Variants in MSRA observed in about 807,000 individuals in gnomAD.
The protein encoded by MSRA is mitochondrial peptide methionine sulfoxide reductase.
MSRA carries 54 observed loss-of-function variants against 31.3 expected under a neutral mutation model. The observed-to-expected ratio is 1.73, with a 90% confidence interval of 1.39 to 2.17. MSRA has a LOEUF of 2.17. Ranked by LOEUF, MSRA falls within the 30% of genes most tolerant of loss-of-function variation. MSRA has a pLI of 0.00. For synonymous variants in MSRA, 169 were observed against 116.5 expected, an observed-to-expected ratio of 1.45 and a Z score of -2.90; for missense variants, 507 against 300.9, an observed-to-expected ratio of 1.69 and a Z score of -5.07.
At chr8:10,325,299 C>CT (rs1488549323) in intron 5 of MSRA, among the ~76,000 whole-genome samples, 4 of 152,004 alleles carry the variant, frequency 2.6e-5, no homozygotes, top group African/African-American at 4.8e-5. Flanking sequence ...ATAATATGTA[C>CT]TTTTATATAG....
At chr8:10,059,212 A>G (rs1802565000) in intron 1 of MSRA, 1 of 152,240 alleles carries the variant, frequency 6.6e-6, no homozygotes, top group Non-Finnish European at 1.5e-5. Flanking sequence ...GCCAGGATAA[A>G]TTTCAGTGTT....
At chr8:10,100,232 C>A (rs1489733223) in intron 1 of MSRA, among the ~76,000 whole-genome samples, 2 of 152,100 alleles carry the variant, frequency 1.3e-5, no homozygotes, top group African/African-American at 4.8e-5. Context: ...TGTTGAACAT[C>A]GTCTTTCTGG....
intron 3 of MSRA, among the ~76,000 whole-genome samples, chr8:10,282,339 T>G (rs1172089218): frequency 6.6e-6 from 1 of 152,204 alleles, no homozygotes; most frequent in Non-Finnish European, 1.5e-5. Flanking sequence ...CACTTTGAAC[T>G]TATTTTCATC....
intron 3 of MSRA, among the ~76,000 whole-genome samples, chr8:10,268,277 C>G (rs916118629): frequency 1.3e-5 from 2 of 152,188 alleles, no homozygotes; most frequent in Non-Finnish European, 2.9e-5. Flanking sequence ...ACGCTTCTTT[C>G]TCATCTAATA....
intron 5 of MSRA, among the ~76,000 whole-genome samples, chr8:10,424,524 G>T (rs537209375): frequency 1.2e-3 from 180 of 149,816 alleles, no homozygotes; most frequent in Non-Finnish European, 2.3e-3. Flanking sequence ...GAAGGGCCTG[G>T]GGTGGAGTGG....
chr8:10,075,423 C>T (rs181783934), intron 1 of MSRA, among the ~76,000 whole-genome samples: 16 of 152,316 alleles, frequency 1.1e-4, no homozygotes, highest in African/African-American at 3.1e-4. Context: ...TTTATTACGA[C>T]TGTGTATGTG....
In MSRA at chr8:10,055,037, C is replaced by T. The variant is rs917681913; in HGVS notation, c.142+379C>T. On this transcript the variant is annotated intron_variant, in intron 1 of 5. Coordinates refer to ENST00000317173, the MANE Select transcript of MSRA (RefSeq NM_012331.5). ...GTGCCTGCGCCCTCCTTTCTTGTCT[C>T]CTCTGCGCCGGCCGCCGGGACCCAG... is the stretch of plus-strand genomic sequence containing the variant. Among the ~76,000 whole-genome samples the T allele has an allele frequency of 3.3e-5, 5 of 152,334 alleles. No homozygotes were observed. The East Asian group carries it at 9.7e-4, about 30-fold the overall frequency.
intron 1 of MSRA, among the ~76,000 whole-genome samples, chr8:10,117,251 G>T (rs769158698): frequency 1.2e-4 from 19 of 152,186 alleles, no homozygotes; most frequent in Non-Finnish European, 1.8e-4. Flanking sequence ...CACAAAGGAT[G>T]GAACATGGGA....
At chr8:10,055,273 T>TG (rs1190324064) in intron 1 of MSRA, among the ~76,000 whole-genome samples, 1 of 152,210 alleles carries the variant, frequency 6.6e-6, no homozygotes. Context: ...TCCACAAACT[T>TG]GGACAACTTT....
At chr8:10,068,139 C>T (rs1797556621) in intron 1 of MSRA, among the ~76,000 whole-genome samples, 1 of 152,126 alleles carries the variant, frequency 6.6e-6, no homozygotes, top group African/African-American at 2.4e-5. Flanking sequence ...CCGCCTTGGT[C>T]TCTCAAAGTG....
At chr8:10,311,094 A>G (rs752562822) in intron 4 of MSRA, among the ~76,000 whole-genome samples, 121 of 152,336 alleles carry the variant, frequency 7.9e-4, no homozygotes, top group Non-Finnish European at 1.5e-3. Context: ...ATAAAAGAGT[A>G]CTGAATTAGG....
At chr8:10,315,350 G>C (rs1301836777) in intron 4 of MSRA, among the ~76,000 whole-genome samples, 1 of 152,142 alleles carries the variant, frequency 6.6e-6, no homozygotes. Context: ...ACCAGAGAGA[G>C]GGAAGGCATT....
At chr8:10,291,180 C>G (rs563043302) in intron 3 of MSRA, among the ~76,000 whole-genome samples, 1 of 152,284 alleles carries the variant, frequency 6.6e-6, no homozygotes, top group South Asian at 2.1e-4. Flanking sequence ...TTTTCTTGAT[C>G]CAGTACTGAG....
At chr8:10,080,720 G>C (rs933114597) in intron 1 of MSRA, among the ~76,000 whole-genome samples, 1 of 142,348 alleles carries the variant, frequency 7.0e-6, no homozygotes, top group Middle Eastern at 3.8e-3. Context: ...TTAATTTCTA[G>C]TAGAGATGAG....
Position 10,197,723 on chromosome 8 carries a change from G to C in MSRA, c.143-10110G>C, listed in dbSNP as rs1365340087. Among the ~76,000 whole-genome samples, 8 of 152,134 alleles carry C rather than the reference G, an allele frequency of 5.3e-5. No homozygotes were observed. The East Asian group carries it at 1.5e-3, about 29-fold the overall frequency. On this transcript the variant is annotated intron_variant, in intron 1 of 5. Coordinates refer to ENST00000317173, the MANE Select transcript of MSRA (RefSeq NM_012331.5). ...CACATGCCCACCTGGGAGTTGATAAGCTTGCTCAGAAGCCCTCTCCAAGAC... is the reference window on the plus strand; with the variant it reads ...CACATGCCCACCTGGGAGTTGATAACCTTGCTCAGAAGCCCTCTCCAAGAC...
At chr8:10,253,907 A>G (rs1195143999) in intron 3 of MSRA, among the ~76,000 whole-genome samples, 1 of 151,998 alleles carries the variant, frequency 6.6e-6, no homozygotes, top group Non-Finnish European at 1.5e-5. Context: ...TGGCCCATCC[A>G]TCTGCCAAGT....
At chr8:10,329,080 T>C (rs994434373) in intron 5 of MSRA, among the ~76,000 whole-genome samples, 1 of 152,240 alleles carries the variant, frequency 6.6e-6, no homozygotes, top group African/African-American at 2.4e-5. Flanking sequence ...TAGGATTAAG[T>C]CAGTGGGTGA....
chr8:10,235,023 A>AAATT (rs1811831862), intron 2 of MSRA, among the ~76,000 whole-genome samples: 1 of 152,142 alleles, frequency 6.6e-6, no homozygotes, highest in South Asian at 2.1e-4. Flanking sequence ...ATTTGCCAGA[A>AAATT]AATTAAACAG....
intron 2 of MSRA, among the ~76,000 whole-genome samples, chr8:10,243,756 T>C (rs1467962672): frequency 6.6e-6 from 1 of 152,212 alleles, no homozygotes; most frequent in Non-Finnish European, 1.5e-5. Flanking sequence ...TGTGAAAATC[T>C]TTAGTAGTTA....
Sources: allele counts gnomAD v4.1 joint callset (sites outside exome capture counted in the v4.1 genomes callset), GRCh38; gene constraint gnomAD v4.1.1; transcripts MANE v1.5; gene names NCBI Gene and HGNC (gene_info 2026-07-23, HGNC 2026-07-21).